The following PCDHA12 variants were observed in gnomAD, a reference collection of about 807,000 sequenced individuals.
PCDHA12 encodes protocadherin alpha 12, also known as protocadherin alpha-12.
Under a neutral mutation model 60.0 loss-of-function variants are expected in PCDHA12, and 44 were observed. That is an observed-to-expected ratio of 0.73 (90% CI 0.58 to 0.94). The LOEUF is 0.94. PCDHA12 is among the 40% of genes least tolerant of loss of function. The pLI is 0.00. For synonymous variants in PCDHA12, 569 were observed against 553.0 expected (o/e 1.03, Z -0.40); for missense variants, 1,276 against 1,239.7 (o/e 1.03, Z -0.44).
intron 1 of PCDHA12, among the ~76,000 whole-genome samples, chr5:140,948,147 A>T (rs2094217534): frequency 6.6e-6 from 1 of 151,572 alleles, no homozygotes; most frequent in African/African-American, 2.4e-5. Context: ...TGATTTTTGA[A>T]TGTTGGAAAA....
intron 1 of PCDHA12, among the ~76,000 whole-genome samples, chr5:140,899,690 C>T (rs1340913543): frequency 6.6e-6 from 1 of 152,156 alleles, no homozygotes; most frequent in Non-Finnish European, 1.5e-5. Flanking sequence ...TGATGCTGGC[C>T]TCATAAAATG....
chr5:140,891,281 G>A (rs1554184772), intron 1 of PCDHA12, among the ~76,000 whole-genome samples: 2 of 151,886 alleles, frequency 1.3e-5, no homozygotes, highest in African/African-American at 4.8e-5. Context: ...GTAAGTTATT[G>A]GGGGTACAGG....
chr5:140,967,278 G>A (rs2096121968), intron 1 of PCDHA12: 1 of 1,613,290 alleles, frequency 6.2e-7, no homozygotes. Flanking sequence ...CACATAGAGA[G>A]TGCGCAGGAC....
intron 1 of PCDHA12, among the ~76,000 whole-genome samples, chr5:140,970,048 G>T (rs561588022): frequency 6.6e-6 from 1 of 152,296 alleles, no homozygotes; most frequent in African/African-American, 2.4e-5. Flanking sequence ...TTGTCTGGTT[G>T]GTCCAGGGAG....
chr5:140,966,113 A>T (rs1224729629), intron 1 of PCDHA12: 1 of 155,768 alleles, frequency 6.4e-6, no homozygotes, highest in African/African-American at 2.4e-5. Flanking sequence ...GGGTGCCCAT[A>T]CTTAGCTAAG....
In PCDHA12 at chr5:140,977,177, T is replaced by G. The variant is rs139020033; in HGVS notation, c.2368-1772T>G. On this transcript the variant is annotated intron_variant, in intron 1 of 3. Coordinates refer to ENST00000398631, the MANE Select transcript of PCDHA12 (RefSeq NM_018903.4). ...CCTTTCAGCAAAATGAGTTTGATGA[T>G]TTCATTCCAAAGATCAAGTTGCAGC... 6.8e-3 allele frequency among the ~76,000 whole-genome samples: 1,032 copies of G among 152,274 alleles called. 9 individuals are homozygous for G. Among genetic ancestry groups the G allele is most frequent in the African/African-American group, 0.023 (966 of 41,542 alleles).
At chr5:140,926,281 T>A (rs2083071196) in intron 1 of PCDHA12, 1 of 152,306 alleles carries the variant, frequency 6.6e-6, no homozygotes, top group African/African-American at 2.4e-5. Context: ...GCTCGGCAGC[T>A]CCACGCTGAG....
At chr5:140,967,406 G>A in intron 1 of PCDHA12, 1 of 1,613,006 alleles carries the variant, frequency 6.2e-7, no homozygotes, top group Non-Finnish European at 8.5e-7. Flanking sequence ...GCTGCGTAAG[G>A]GCCTAGACCG....
At chr5:140,882,050 T>TA (rs1260382802) in intron 1 of PCDHA12, 7 of 756,632 alleles carry the variant, frequency 9.3e-6, no homozygotes, top group African/African-American at 3.5e-5. Context: ...GAGTCATACT[T>TA]ACACTTACAC....
At chr5:140,878,689 AT>A (rs1582445250) in intron 1 of PCDHA12, among the ~76,000 whole-genome samples, 1 of 152,246 alleles carries the variant, frequency 6.6e-6, no homozygotes, top group Admixed American at 6.5e-5. Flanking sequence ...AAAGTCTTAC[AT>A]ACCCCAGCCT....
In PCDHA12 at chr5:140,926,973, G is replaced by T. The variant is rs369317394; in HGVS notation, c.2367+49134G>T. 5.0e-6 allele frequency: 8 copies of T among 1,609,646 alleles called. No homozygotes were observed. The African/African-American group carries it at 1.1e-4, about 21-fold the overall frequency. On this transcript the variant is annotated intron_variant, in intron 1 of 3. Transcript: ENST00000398631. ...CGGGACAGCTCGAGTACTCAGTGCC[G>T]GAGGAGACGGAGCGGGGCGTAGCCG...
Position 140,876,201 on chromosome 5 carries a change from T to C in PCDHA12, c.729T>C (p.Asp243=). The C allele has an allele frequency of 1.9e-6, 3 of 1,613,952 alleles. No individual in the cohort carries two copies. The highest frequency in any genetic ancestry group is 1.7e-6 in the Non-Finnish European group (2 of 1,179,898). ...TGAATGACAATGGTCCGGCGTTTGA[T>C]AAGCCCAGCTATAAAGTAGTGTTGT... The part of the protein sequence containing the change: ...LDVNDNGPAF[D]KPSYKVVLSE... The change falls in exon 1 of 4, where the codon GAT becomes GAC. Residue 243 remains aspartate, a synonymous_variant. Transcript: ENST00000398631.
chr5:140,876,400 T>G lies in PCDHA12; in HGVS notation c.928T>G (p.Phe310Val). The change falls in exon 1 of 4, where the codon TTT becomes GTT. Residue 310 changes from phenylalanine to valine, a missense_variant. Coordinates refer to ENST00000398631, the MANE Select transcript of PCDHA12 (RefSeq NM_018903.4). ...AATTAGAATTTATGGTGAACTGGAT[T>G]TTGAAGAGAATAATGCCTATGAAAT... The part of the protein sequence containing the change: ...GEIRIYGELD[F>V]EENNAYEIQV... 1.2e-6 allele frequency: 2 copies of G among 1,613,928 alleles called. No individual in the cohort carries two copies. The highest frequency in any genetic ancestry group is 1.7e-6 in the Non-Finnish European group (2 of 1,179,890).
At chr5:140,978,835 A>G in intron 1 of PCDHA12, 114 bp from the exon 2 acceptor site, 2 of 1,550,342 alleles carry the variant, frequency 1.3e-6, no homozygotes, top group Non-Finnish European at 1.7e-6. Flanking sequence ...TGGCTCATTC[A>G]ATACTTTTTT....
intron 1 of PCDHA12, among the ~76,000 whole-genome samples, chr5:140,906,668 C>G (rs1554192641): frequency 1.3e-5 from 2 of 152,152 alleles, no homozygotes; most frequent in African/African-American, 4.8e-5. Flanking sequence ...TGTAGTGACC[C>G]AAACCTTCAT....
chr5:140,966,052 C>G (rs2095962967), intron 1 of PCDHA12, among the ~76,000 whole-genome samples: 1 of 152,158 alleles, frequency 6.6e-6, no homozygotes, highest in Admixed American at 6.5e-5. Context: ...GCCAGTAACC[C>G]CAGAGCGCCT....
rs1351509805 is a variant in PCDHA12, at chr5:140,928,584, TG to T, written c.2368-50364del. The T allele has an allele frequency of 8.7e-6, 14 of 1,614,150 alleles. No homozygotes were observed. In the African/African-American group the frequency reaches 1.9e-4, roughly 22 times the overall value. On this transcript the variant is annotated intron_variant, in intron 1 of 3. Coordinates refer to ENST00000398631, the MANE Select transcript of PCDHA12 (RefSeq NM_018903.4). ...TGTTTCCCTTGCCCAGAAATGGTTCTGTCCCAGTGGAAATTGTGCCCCGCTC... is the reference window on the plus strand; with the variant it reads ...TGTTTCCCTTGCCCAGAAATGGTTCTTCCCAGTGGAAATTGTGCCCCGCTC...
intron 1 of PCDHA12, among the ~76,000 whole-genome samples, chr5:140,903,031 A>G (rs1411414428): frequency 1.3e-5 from 2 of 152,188 alleles, no homozygotes; most frequent in Admixed American, 1.3e-4. Flanking sequence ...TGGCTTGCAC[A>G]TGTGTCTTTT....
chr5:141,004,948 C>G (rs1356526927), intron 3 of PCDHA12, among the ~76,000 whole-genome samples: 1 of 152,236 alleles, frequency 6.6e-6, no homozygotes, highest in Non-Finnish European at 1.5e-5. Context: ...TTCTTACCCT[C>G]TCTCGTCACT....
Sources: gnomAD v4.1 joint callset for allele counts (sites outside exome capture counted in the v4.1 genomes callset) on GRCh38, gnomAD v4.1.1 for gene constraint, MANE v1.5 for transcripts, NCBI Gene and HGNC (gene_info 2026-07-23, HGNC 2026-07-21) for gene names.